Variants in GLRA3 observed in about 807,000 individuals in gnomAD.
GLRA3 encodes the protein glycine receptor subunit alpha-3.
In GLRA3, 44 loss-of-function variants were observed where a neutral mutation model predicts 60.4. The ratio of observed to expected loss-of-function variants is 0.73; its 90% confidence interval spans 0.57 to 0.94. GLRA3 has a LOEUF of 0.94. GLRA3 is among the 40% of genes least tolerant of loss of function. The pLI, the probability that GLRA3 is intolerant of heterozygous loss-of-function variation, is 0.00. For synonymous variants in GLRA3, 223 were observed against 192.9 expected (o/e 1.16, Z -1.29); for missense variants, 508 against 564.6 (o/e 0.90, Z 1.02).
intron 5 of GLRA3, among the ~76,000 whole-genome samples, chr4:174,701,986 A>G (rs1735339251): frequency 6.6e-6 from 1 of 152,220 alleles, no homozygotes. Context: ...AGGATTTAGA[A>G]TATTACATGC....
At position 174,738,722 on chromosome 4, in the gene GLRA3, CA is replaced by C. The variant is rs139462202; in HGVS notation, c.268-10025del. ...CTTGCTATTTATACTCGAATACTTTCATGACAAAAAAATTATTTGAAGTGAT... is the reference window on the plus strand; with the variant it reads ...CTTGCTATTTATACTCGAATACTTTCTGACAAAAAAATTATTTGAAGTGAT... On this transcript the variant is annotated intron_variant, in intron 3 of 9. Transcript: ENST00000274093. Among the ~76,000 whole-genome samples the C allele has an allele frequency of 5.2e-3, 794 of 152,288 alleles. 5 individuals are homozygous for C. The highest frequency in any genetic ancestry group is 0.018 in the African/African-American group (752 of 41,562).
intron 4 of GLRA3, among the ~76,000 whole-genome samples, chr4:174,719,620 A>G (rs1461410495): frequency 6.6e-6 from 1 of 152,200 alleles, no homozygotes; most frequent in African/African-American, 2.4e-5. Flanking sequence ...AATCACTCTT[A>G]GGAGAGATTA....
intron 3 of GLRA3, among the ~76,000 whole-genome samples, chr4:174,752,587 A>G (rs112773226): frequency 4.6e-5 from 7 of 152,260 alleles, no homozygotes; most frequent in African/African-American, 1.4e-4. Flanking sequence ...CACTATTCCG[A>G]AAGTTTGACG....
intron 3 of GLRA3, among the ~76,000 whole-genome samples, chr4:174,742,385 G>T (rs1395409623): frequency 2.0e-5 from 3 of 152,124 alleles, no homozygotes; most frequent in South Asian, 2.1e-4. Flanking sequence ...AACATATTCT[G>T]CAATAACTCT....
At chr4:174,814,794 C>T (rs946836234) in intron 1 of GLRA3, among the ~76,000 whole-genome samples, 1 of 152,150 alleles carries the variant, frequency 6.6e-6, no homozygotes, top group African/African-American at 2.4e-5. Flanking sequence ...CACCATGTCC[C>T]TCCCACAACA....
At chr4:174,665,835 T>C (rs895092537) in intron 7 of GLRA3, among the ~76,000 whole-genome samples, 1 of 152,146 alleles carries the variant, frequency 6.6e-6, no homozygotes, top group Non-Finnish European at 1.5e-5. Flanking sequence ...CTCCTGTGTA[T>C]TGACTTGTAA....
chr4:174,735,939 G>C (rs946436635), intron 3 of GLRA3, among the ~76,000 whole-genome samples: 1 of 152,076 alleles, frequency 6.6e-6, no homozygotes. Context: ...AACATATGAC[G>C]TGGCTCCTAA....
chr4:174,755,995 T>C (rs1177415592), intron 3 of GLRA3, among the ~76,000 whole-genome samples: 1 of 152,116 alleles, frequency 6.6e-6, no homozygotes, highest in Non-Finnish European at 1.5e-5. Context: ...GTGGTAAGTG[T>C]ATGTAAATAA....
intron 9 of GLRA3, among the ~76,000 whole-genome samples, chr4:174,652,857 A>C (rs1422422004): frequency 6.6e-6 from 1 of 152,116 alleles, no homozygotes; most frequent in African/African-American, 2.4e-5. Context: ...TGACCAGAAA[A>C]AAGAAAACTT....
intron 5 of GLRA3, among the ~76,000 whole-genome samples, chr4:174,709,235 T>G (rs747700998): frequency 6.6e-6 from 1 of 152,068 alleles, no homozygotes; most frequent in Non-Finnish European, 1.5e-5. Flanking sequence ...TTTAGTAGTT[T>G]GTCTTCACTA....
intron 5 of GLRA3, among the ~76,000 whole-genome samples, chr4:174,712,202 A>G (rs949855920): frequency 6.6e-6 from 1 of 152,138 alleles, no homozygotes; most frequent in Non-Finnish European, 1.5e-5. Flanking sequence ...TTGATAGTTT[A>G]GACAAAGTAG....
chr4:174,800,282 A>AT (rs1012910176), intron 1 of GLRA3, among the ~76,000 whole-genome samples: 2 of 152,108 alleles, frequency 1.3e-5, no homozygotes, highest in African/African-American at 4.8e-5. Context: ...GTAATTTAAA[A>AT]TTTTTCATAG....
At chr4:174,677,500 C>T (rs910130254) in intron 6 of GLRA3, among the ~76,000 whole-genome samples, 7 of 151,466 alleles carry the variant, frequency 4.6e-5, no homozygotes, top group African/African-American at 1.7e-4. Flanking sequence ...GCTGGGATTA[C>T]AGGCATGCAC....
chr4:174,780,421 C>G (rs1471919840), intron 2 of GLRA3, among the ~76,000 whole-genome samples: 1 of 150,846 alleles, frequency 6.6e-6, no homozygotes, highest in Non-Finnish European at 1.5e-5. Flanking sequence ...AGCAAAAGAA[C>G]CAGCTAACAT....
At chr4:174,800,802 A>T (rs1198182732) in intron 1 of GLRA3, among the ~76,000 whole-genome samples, 1 of 151,998 alleles carries the variant, frequency 6.6e-6, no homozygotes, top group African/African-American at 2.4e-5. Context: ...CTGCCTTATG[A>T]TGATTCAACT....
chr4:174,658,389 T>C (rs1341144774), intron 8 of GLRA3, among the ~76,000 whole-genome samples: 5 of 152,198 alleles, frequency 3.3e-5, no homozygotes, highest in Non-Finnish European at 7.4e-5. Flanking sequence ...CAGTTCTGCA[T>C]AGAGGAAGAA....
intron 1 of GLRA3, among the ~76,000 whole-genome samples, chr4:174,812,798 C>A (rs1446096250): frequency 1.3e-5 from 2 of 152,114 alleles, no homozygotes; most frequent in African/African-American, 4.8e-5. Flanking sequence ...CTAGGTTACC[C>A]ACTCTCTCAC....
intron 5 of GLRA3, among the ~76,000 whole-genome samples, chr4:174,706,411 T>C (rs959503340): frequency 2.1e-4 from 32 of 152,032 alleles, no homozygotes; most frequent in African/African-American, 7.7e-4. Context: ...TTGAAATAAA[T>C]AGATAAGCAT....
chr4:174,654,207 T>G (rs189643667), intron 9 of GLRA3, among the ~76,000 whole-genome samples: 87 of 152,312 alleles, frequency 5.7e-4, no homozygotes, highest in African/African-American at 1.9e-3. Flanking sequence ...CCGTGAATCC[T>G]TCTCACGTTC....
Sources: allele counts gnomAD v4.1 joint callset (sites outside exome capture counted in the v4.1 genomes callset), GRCh38; gene constraint gnomAD v4.1.1; transcripts MANE v1.5; gene names NCBI Gene and HGNC (gene_info 2026-07-23, HGNC 2026-07-21).